Variants in ST6GAL2 observed in about 807,000 individuals in gnomAD.
ST6GAL2 encodes the protein ST6 beta-galactoside alpha-2,6-sialyltransferase 2, also known as beta-galactoside alpha-2,6-sialyltransferase 2.
In ST6GAL2, 24 loss-of-function variants were observed where a neutral mutation model predicts 37.5. The observed-to-expected ratio is 0.64, with a 90% CI of 0.46 to 0.90. The LOEUF (loss-of-function observed/expected upper bound fraction) is 0.90, where lower values mean the gene tolerates loss of function less well. Ranked by LOEUF, ST6GAL2 falls within the 40% of genes least tolerant of loss-of-function variation. ST6GAL2 has a pLI of 0.00. For synonymous variants in ST6GAL2, 306 were observed against 295.1 expected, an observed-to-expected ratio of 1.04 and a Z score of -0.38; for missense variants, 715 against 712.7, an observed-to-expected ratio of 1.00 and a Z score of -0.04.
intron 5 of ST6GAL2, among the ~76,000 whole-genome samples, chr2:106,817,922 G>T (rs568042220): frequency 3.9e-5 from 6 of 152,168 alleles, no homozygotes; most frequent in Non-Finnish European, 7.3e-5. Context: ...ATGTACATTG[G>T]TGGAAGCCAG....
Position 106,843,197 on chromosome 2 carries a change from C to G in ST6GAL2, c.781G>C (p.Val261Leu), listed in dbSNP as rs1037689676. ...LLCQLRSRAR[V>L]RTLDGTEAPF... is the part of the protein sequence containing the mutation. Reference sequence around the variant, plus strand: ...GCCTCGGTGCCGTCCAGCGTCCGCACGCGCGCGCGGCTCCGCAGCTGGCAC... The same window carrying G: ...GCCTCGGTGCCGTCCAGCGTCCGCAGGCGCGCGCGGCTCCGCAGCTGGCAC... Residue 261 changes from valine to leucine, a missense_variant, in exon 2 of 6, where the codon GTG (valine) becomes CTG (leucine). By Grantham distance (32) the Val-to-Leu change is conservative. This residue lies in a region of ST6GAL2 where 512 missense variants were observed against 488.8 expected (regional missense o/e 1.05). Transcript: ENST00000409382. 1.3e-6 allele frequency: 2 copies of G among 1,548,372 alleles called. No homozygotes were observed. Among genetic ancestry groups the G allele is most frequent in the African/African-American group, 1.4e-5 (1 of 73,308 alleles).
chr2:106,844,215 G>GC (rs1300029542), intron 1 of ST6GAL2, among the ~76,000 whole-genome samples, 181 bp from the exon 2 acceptor site: 1 of 132,774 alleles, frequency 7.5e-6, no homozygotes, highest in Non-Finnish European at 1.6e-5. Flanking sequence ...CCCCCTCCCC[G>GC]CCCCCCACCT....
intron 1 of ST6GAL2, among the ~76,000 whole-genome samples, chr2:106,878,687 T>C (rs919939208): frequency 6.6e-6 from 1 of 152,204 alleles, no homozygotes; most frequent in Non-Finnish European, 1.5e-5. Context: ...AAACAATTGA[T>C]TTAAAATATA....
intron 1 of ST6GAL2, among the ~76,000 whole-genome samples, chr2:106,870,137 G>A (rs891037044): frequency 6.6e-6 from 1 of 152,084 alleles, no homozygotes; most frequent in Non-Finnish European, 1.5e-5. Flanking sequence ...TTTTGCACAG[G>A]AATCATCTGA....
At chr2:106,859,893 T>A (rs1558717051) in intron 1 of ST6GAL2, among the ~76,000 whole-genome samples, 1 of 151,972 alleles carries the variant, frequency 6.6e-6, no homozygotes, top group African/African-American at 2.4e-5. Context: ...AAAAAAAAAA[T>A]TACCCTTTGC....
chr2:106,803,976 G>A lies in ST6GAL2; in HGVS notation c.*2702C>T, dbSNP rs1675337304. The A allele has an allele frequency of 6.6e-6, 1 of 152,168 alleles. No individual in the cohort carries two copies. Among genetic ancestry groups the A allele is most frequent in the Admixed American group, 6.5e-5 (1 of 15,276 alleles). The allele number at this position is 152,168 out of a possible 1,614,324, so 9.4% of individuals were successfully genotyped here. The stretch of plus-strand genomic sequence containing the variant: ...ACTAGAAGTAGTCATCAAGTTAACT[G>A]TAACTGCCCAACATTTTCTTAGAAG... On this transcript the variant is annotated 3_prime_UTR_variant, in exon 6 of 6. Transcript: ENST00000409382.
rs750925772 is a variant in ST6GAL2, at chr2:106,843,093, G to A, written c.885C>T (p.Ser295=). 2.0e-6 allele frequency: 3 copies of A among 1,521,334 alleles called. No homozygotes were observed. The highest frequency in any genetic ancestry group is 4.8e-5 in the East Asian group (2 of 41,278). The allele number at this position is 1,521,334 out of a possible 1,614,324, so 94.2% of individuals were successfully genotyped here. A position where few individuals can be genotyped will look rare whatever the true frequency, so the allele number is the denominator to read the frequency against. ...LSQLHPRGLR[S]CAVVMSAGAI... ...CGCCTGCAGACATGACGACAGCGCA[G>A]CTGCGCAGGCCGCGGGGGTGCAGCT... The change falls in exon 2 of 6, where the codon AGC becomes AGT. Residue 295 remains serine, a synonymous_variant. Coordinates refer to ENST00000409382, the MANE Select transcript of ST6GAL2 (RefSeq NM_001142351.2).
At chr2:106,867,963 G>A (rs540948210) in intron 1 of ST6GAL2, among the ~76,000 whole-genome samples, 2 of 152,142 alleles carry the variant, frequency 1.3e-5, no homozygotes, top group Non-Finnish European at 2.9e-5. Flanking sequence ...CAAAGAATAA[G>A]GTATTATTAT....
chr2:106,856,183 C>T (rs1438730809), intron 1 of ST6GAL2, among the ~76,000 whole-genome samples: 2 of 152,176 alleles, frequency 1.3e-5, no homozygotes, highest in African/African-American at 2.4e-5. Flanking sequence ...ACGTAAAAAT[C>T]CCAGCTCTGC....
chr2:106,885,982 A>C (rs1311551315), intron 1 of ST6GAL2, 111 bp downstream of exon 1: 2 of 152,078 alleles, frequency 1.3e-5, no homozygotes, highest in Non-Finnish European at 2.9e-5. Context: ...AACATTCCCC[A>C]CACACGGGTC....
chr2:106,849,645 T>C (rs1677279364), intron 1 of ST6GAL2, among the ~76,000 whole-genome samples: 1 of 152,178 alleles, frequency 6.6e-6, no homozygotes, highest in African/African-American at 2.4e-5. Context: ...AGAGATTAAA[T>C]GTGAGTGTAA....
intron 1 of ST6GAL2, among the ~76,000 whole-genome samples, chr2:106,864,983 G>A (rs1199592048): frequency 6.6e-6 from 1 of 152,006 alleles, no homozygotes; most frequent in Non-Finnish European, 1.5e-5. Context: ...ATTCTATGGT[G>A]TAAACGCTTC....
In ST6GAL2 at chr2:106,806,815, G is replaced by C; in HGVS notation, c.1453C>G (p.Leu485Val). Residue 485 changes from leucine (L) to valine (V), a missense_variant, in exon 6 of 6, where the codon CTA becomes GTA. Leu to Val is a conservative substitution (Grantham distance 32). This residue lies in a region of ST6GAL2 where 198 missense variants were observed against 203.6 expected (regional missense o/e 0.97). Transcript: ENST00000409382. ...AACTLGAYHP[L>V]LYEKLLVQRL... ...TGCACCAGGAGCTTCTCATAGAGTA[G>C]TGGGTGGTACGCCCCGAGGGTGCAG... 1 of 1,614,212 alleles carries C rather than the reference G, an allele frequency of 6.2e-7. No homozygotes were observed. The highest frequency in any genetic ancestry group is 8.5e-7 in the Non-Finnish European group (1 of 1,180,054).
At chr2:106,858,650 G>C (rs1169808520) in intron 1 of ST6GAL2, among the ~76,000 whole-genome samples, 2 of 152,310 alleles carry the variant, frequency 1.3e-5, no homozygotes, top group Non-Finnish European at 2.9e-5. Context: ...AGATGAGTTA[G>C]ATACCAGCAA....
intron 4 of ST6GAL2, among the ~76,000 whole-genome samples, chr2:106,831,720 A>G (rs2104472127): frequency 6.6e-6 from 1 of 152,284 alleles, no homozygotes; most frequent in African/African-American, 2.4e-5. Flanking sequence ...GTCAACAGTG[A>G]CCAAAATGCT....
At chr2:106,862,281 G>A (rs1677834329) in intron 1 of ST6GAL2, among the ~76,000 whole-genome samples, 1 of 152,234 alleles carries the variant, frequency 6.6e-6, no homozygotes, top group African/African-American at 2.4e-5. Context: ...TTAAATAAAG[G>A]CTTTTTTTCT....
chr2:106,843,586 T>C lies in ST6GAL2; in HGVS notation c.392A>G (p.Tyr131Cys), dbSNP rs776674229. The C allele has an allele frequency of 1.5e-5, 24 of 1,613,992 alleles. 1 individual carries two copies. In the South Asian group the frequency reaches 2.5e-4, roughly 17 times the overall value. ...CCCTGGCTGACCAGCAGCAAAAAAG[T>C]AGTCGTCATCCTCCGGGTAGAAAGC... ...QSAFYPEDDD[Y>C]FFAAGQPGWH... Residue 131 changes from tyrosine to cysteine, a missense_variant, in exon 2 of 6, where the codon TAC becomes TGC. By Grantham distance (194) the Tyr-to-Cys change is radical. Transcript: ENST00000409382.
rs767486019 is a variant in ST6GAL2 at position 106,864,999 on chromosome 2, T to C, written c.-57-20965A>G. Among the ~76,000 whole-genome samples, 4 of 152,108 alleles carry C rather than the reference T, an allele frequency of 2.6e-5. No homozygotes were observed. In the East Asian group the frequency reaches 7.7e-4, roughly 29 times the overall value. On this transcript the variant is annotated intron_variant, in intron 1 of 5. Transcript: ENST00000409382. ...TTCTATGGTGTAAACGCTTCCACTA[T>C]AGCCAATTTCAAACTACCAATGGGA...
intron 5 of ST6GAL2, among the ~76,000 whole-genome samples, chr2:106,821,562 G>A (rs1345486831): frequency 6.6e-6 from 1 of 151,728 alleles, no homozygotes; most frequent in Admixed American, 6.6e-5. Context: ...AGGATTCAAT[G>A]GCTTTACTGC....
Sources: allele counts gnomAD v4.1 joint callset (sites outside exome capture counted in the v4.1 genomes callset), GRCh38; gene constraint gnomAD v4.1.1; regional missense constraint gnomAD v4.1.1; transcripts MANE v1.5; gene names NCBI Gene and HGNC (gene_info 2026-07-23, HGNC 2026-07-21).